The following WNK1 variants were observed in gnomAD, a reference collection of about 807,000 sequenced individuals.
WNK1 encodes the protein serine/threonine-protein kinase WNK1.
Under a neutral mutation model 222.8 loss-of-function variants are expected in WNK1, and 38 were observed. The ratio of observed to expected loss-of-function variants is 0.17; its 90% CI spans 0.13 to 0.22. The LOEUF is 0.22. Ranked by LOEUF, WNK1 falls within the 10% of genes least tolerant of loss-of-function variation. The probability of loss-of-function intolerance (pLI) is 1.00; values close to 1 mark genes in which losing one functional copy is unlikely to be tolerated. For synonymous variants in WNK1, 1,090 were observed against 1,092.9 expected (o/e 1.00, Z 0.05); for missense variants, 2,348 against 2,918.4 (o/e 0.80, Z 4.50).
At chr12:867,607 ATT>A (rs1297187543) in intron 8 of WNK1, among the ~76,000 whole-genome samples, 2 of 152,282 alleles carry the variant, frequency 1.3e-5, no homozygotes, top group South Asian at 4.1e-4. Flanking sequence ...TAATTCTTCC[ATT>A]TCCTTTGAGA....
At chr12:845,842 C>A (rs977742462) in intron 4 of WNK1, among the ~76,000 whole-genome samples, 3 of 152,154 alleles carry the variant, frequency 2.0e-5, no homozygotes, top group Admixed American at 2.0e-4. Flanking sequence ...CACATAAAAT[C>A]AAGCTTTAAA....
chr12:909,273 T>C lies in WNK1; in HGVS notation c.*481T>C. The C allele has an allele frequency of 6.0e-6, 1 of 167,596 alleles. No individual in the cohort carries two copies. The highest frequency in any genetic ancestry group is 1.5e-4 in the South Asian group (1 of 6,650). 10.4% of individuals were successfully genotyped at this position (167,596 alleles called of 1,614,324 possible). ...CTCCTCCCTTTTTTTTACCCCTCTC[T>C]TTTTTATTTTTTCTTTGCTCTTTAG... On this transcript the variant is annotated 3_prime_UTR_variant, in exon 28 of 28. Coordinates refer to ENST00000315939, the MANE Select transcript of WNK1 (RefSeq NM_018979.4).
At chr12:865,674 A>G (rs188434013) in intron 8 of WNK1, among the ~76,000 whole-genome samples, 101 of 152,290 alleles carry the variant, frequency 6.6e-4, no homozygotes, top group African/African-American at 2.3e-3. Flanking sequence ...TTCATATTCT[A>G]GTTTTAAAAG....
At chr12:774,380 C>T (rs1267173359) in intron 1 of WNK1, among the ~76,000 whole-genome samples, 3 of 152,196 alleles carry the variant, frequency 2.0e-5, no homozygotes, top group Non-Finnish European at 4.4e-5. Context: ...TATAATCCAA[C>T]CAGACTCCTT....
chr12:867,890 G>A (rs1305587046), intron 8 of WNK1: 1 of 1,613,926 alleles, frequency 6.2e-7, no homozygotes, highest in Admixed American at 1.7e-5. Flanking sequence ...GCATCCGTGT[G>A]GGGGGACCCC....
At chr12:892,987 G>A (rs1422713348) in intron 22 of WNK1, among the ~76,000 whole-genome samples, 1 of 152,178 alleles carries the variant, frequency 6.6e-6, no homozygotes, top group African/African-American at 2.4e-5. Context: ...GGGCATGGTG[G>A]CTCACACCTC....
intron 1 of WNK1, among the ~76,000 whole-genome samples, chr12:777,247 C>T (rs867288706): frequency 1.5e-4 from 23 of 150,880 alleles, no homozygotes; most frequent in Non-Finnish European, 2.7e-4. Flanking sequence ...ACTGCAGCCT[C>T]CGCCTCCTGG....
intron 1 of WNK1, among the ~76,000 whole-genome samples, chr12:759,985 GTTTATA>G (rs925095338): frequency 1.4e-5 from 2 of 148,030 alleles, no homozygotes; most frequent in African/African-American, 4.9e-5. Context: ...GATTTTGTTT[GTTTATA>G]TTTATGCTTG....
intron 2 of WNK1, among the ~76,000 whole-genome samples, chr12:814,064 AGCACTT>A (rs1947124852): frequency 6.6e-6 from 1 of 152,198 alleles, no homozygotes; most frequent in Non-Finnish European, 1.5e-5. Context: ...CTGTAATCCC[AGCACTT>A]TGGGAGGCCG....
At chr12:900,791 C>T in intron 26 of WNK1, 121 bp downstream of exon 26, 2 of 1,194,644 alleles carry the variant, frequency 1.7e-6, no homozygotes, top group East Asian at 2.3e-5. Flanking sequence ...GTGTGTTGTA[C>T]ACTGAAGAAT....
intron 2 of WNK1, among the ~76,000 whole-genome samples, chr12:820,940 T>C (rs751643766): frequency 1.7e-4 from 26 of 152,154 alleles, no homozygotes; most frequent in Non-Finnish European, 1.8e-4. Context: ...AGGAGAAAGC[T>C]TTTGGTCTTT....
chr12:884,663 G>A lies in WNK1; in HGVS notation c.3859G>A (p.Ala1287Thr). 1 of 1,614,114 alleles carries A rather than the reference G, an allele frequency of 6.2e-7. No individual in the cohort carries two copies. Among genetic ancestry groups the A allele is most frequent in the Non-Finnish European group, 8.5e-7 (1 of 1,180,024 alleles). The change falls in exon 19 of 28, where the codon GCT (alanine) becomes ACT (threonine). Residue 1287 changes from alanine (A) to threonine (T), a missense_variant. Ala to Thr is a moderately conservative substitution (Grantham distance 58, BLOSUM62 0). Around this residue, in one of 13 missense-constraint regions of WNK1, gnomAD observed 1,144 missense variants for 1,273.6 expected, o/e 0.90. Coordinates refer to ENST00000315939, the MANE Select transcript of WNK1 (RefSeq NM_018979.4). The surrounding 1 kb of genome is among the most constrained non-coding windows in gnomAD (Gnocchi z 5.6). ...TTCCTTTGCAGTTGCTGCCTCTACA[G>A]CTCAGAGCCCTGGAATGAACTTGTC... ...EITDTVAAST[A>T]QSPGMNLSHS...
chr12:762,023 C>G (rs1941087091), intron 1 of WNK1, among the ~76,000 whole-genome samples: 1 of 145,100 alleles, frequency 6.9e-6, no homozygotes, highest in African/African-American at 2.5e-5. Flanking sequence ...ATATAACCTA[C>G]AGTAGTACAT....
At chr12:800,890 C>T (rs370677294) in intron 1 of WNK1, among the ~76,000 whole-genome samples, 7 of 152,230 alleles carry the variant, frequency 4.6e-5, no homozygotes, top group South Asian at 4.1e-4. Context: ...TTTTGCTGTG[C>T]GCACAGAAGG....
At chr12:791,453 G>C (rs1312517584) in intron 1 of WNK1, among the ~76,000 whole-genome samples, 2 of 151,876 alleles carry the variant, frequency 1.3e-5, no homozygotes, top group Non-Finnish European at 2.9e-5. Flanking sequence ...TTTTTGTACA[G>C]TATGGTTCTT....
intron 4 of WNK1, among the ~76,000 whole-genome samples, chr12:841,711 A>G (rs1949639432): frequency 6.6e-6 from 1 of 152,236 alleles, no homozygotes. Flanking sequence ...GCCCAAGATC[A>G]GGTGCCATCA....
intron 20 of WNK1, among the ~76,000 whole-genome samples, chr12:888,515 A>G (rs1953889241): frequency 6.6e-6 from 1 of 152,220 alleles, no homozygotes; most frequent in South Asian, 2.1e-4. Context: ...CTGTGCAAGA[A>G]TAGATTGATA....
Position 753,552 on chromosome 12 carries a change from C to G in WNK1, c.-14C>G, listed in dbSNP as rs995160471. On this transcript the variant is annotated 5_prime_UTR_variant, in exon 1 of 28. Transcript: ENST00000315939. The surrounding 1 kb of genome is among the most constrained non-coding windows in gnomAD (Gnocchi z 5.2). The stretch of plus-strand genomic sequence containing the variant: ...CGAATCCGAGCCCGCTCGCCTCTCT[C>G]CAGCGAACCGACCATGTCTGGCGGC... 7 of 1,612,090 alleles carry G rather than the reference C, an allele frequency of 4.3e-6. No homozygotes were observed. Among genetic ancestry groups the G allele is most frequent in the Non-Finnish European group, 5.9e-6 (7 of 1,179,900 alleles).
intron 22 of WNK1, among the ~76,000 whole-genome samples, chr12:891,113 G>A (rs1262436381): frequency 6.6e-6 from 1 of 152,086 alleles, no homozygotes; most frequent in African/African-American, 2.4e-5. Flanking sequence ...TATGAAAAAG[G>A]TAGCTTTTCA....
Sources: allele counts gnomAD v4.1 joint callset (sites outside exome capture counted in the v4.1 genomes callset), GRCh38; gene constraint gnomAD v4.1.1; regional missense constraint gnomAD v4.1.1; non-coding constraint Gnocchi (gnomAD v3.1); transcripts MANE v1.5; gene names NCBI Gene and HGNC (gene_info 2026-07-23, HGNC 2026-07-21).